The following PCDHGA8 variants were observed in gnomAD, a reference collection of about 807,000 sequenced individuals.
PCDHGA8 encodes the protein protocadherin gamma subfamily A, 8.
In PCDHGA8, 45 loss-of-function variants were observed where a neutral mutation model predicts 59.2. The ratio of observed to expected loss-of-function variants is 0.76; its 90% CI spans 0.60 to 0.98. The LOEUF (loss-of-function observed/expected upper bound fraction) is 0.98. Among genes scored for constraint, PCDHGA8 ranks in the 50% least tolerant of loss-of-function variants. The pLI is 0.00. For missense variants in PCDHGA8, 1,257 were observed against 1,196.2 expected (o/e 1.05, Z -0.75); for synonymous variants, 531 against 519.0 (o/e 1.02, Z -0.32).
chr5:141,505,246 G>GAAGT, intron 2 of PCDHGA8, 147 bp from the exon 3 acceptor site: 3 of 1,436,674 alleles, frequency 2.1e-6, no homozygotes, highest in Non-Finnish European at 2.8e-6. Context: ...AAGGATTGTA[G>GAAGT]AAGTGCCTCC....
At chr5:141,399,719 G>A (rs773556952) in intron 1 of PCDHGA8, 13 of 1,613,168 alleles carry the variant, frequency 8.1e-6, no homozygotes, top group Non-Finnish European at 1.1e-5. Flanking sequence ...CTACAGGCCC[G>A]CGACCAGGGC....
At chr5:141,420,088 C>T in intron 1 of PCDHGA8, 5 of 1,614,002 alleles carry the variant, frequency 3.1e-6, no homozygotes, top group Non-Finnish European at 4.2e-6. Context: ...CCCCCAACTA[C>T]AGTGAGGGAA....
chr5:141,404,707 C>A, intron 1 of PCDHGA8: 1 of 1,614,122 alleles, frequency 6.2e-7, no homozygotes, highest in South Asian at 1.1e-5. Flanking sequence ...CAGAGCCTGG[C>A]TACCTGGTGA....
chr5:141,415,182 C>T (rs2095840318), intron 1 of PCDHGA8: 2 of 1,613,842 alleles, frequency 1.2e-6, no homozygotes, highest in Non-Finnish European at 1.7e-6. Flanking sequence ...TGGCCGTGGC[C>T]GACAGCATCC....
In PCDHGA8 at chr5:141,487,086, TCCCACCACAGAAG is replaced by T. The variant is rs2099639456; in HGVS notation, c.2425-7719_2425-7707del. 6.2e-7 allele frequency: 1 copy of T among 1,613,822 alleles called. No homozygotes were observed. ...ACGGCTGTTCCTATCCCAGCTGACC[TCCCACCACAGAAG>T]CTGGTCATTGTGGTAAAGGATAGTG... On this transcript the variant is annotated intron_variant, in intron 1 of 3. Coordinates refer to ENST00000398604, the MANE Select transcript of PCDHGA8 (RefSeq NM_032088.2). The surrounding 1 kb of genome is among the most constrained non-coding windows in gnomAD (Gnocchi z 5.0).
intron 1 of PCDHGA8, chr5:141,414,700 A>G (rs886960965): frequency 6.2e-7 from 1 of 1,613,994 alleles, no homozygotes. Context: ...GTCCTCATAC[A>G]TATCCATCAA....
Position 141,409,860 on chromosome 5 carries a change from G to A in PCDHGA8, c.2424+14623G>A, listed in dbSNP as rs764823576. On this transcript the variant is annotated intron_variant, in intron 1 of 3. Transcript: ENST00000398604. ...AACGTGAGCCTGCGCGTGTTGGTGG[G>A]AGACCGCAATGACAACGCACCGCGG... is the stretch of plus-strand genomic sequence containing the variant. The A allele has an allele frequency of 1.2e-5, 20 of 1,612,364 alleles. No homozygotes were observed. In the South Asian group the frequency reaches 1.8e-4, roughly 14 times the overall value.
chr5:141,509,144 G>C (rs969990007), intron 3 of PCDHGA8, among the ~76,000 whole-genome samples: 14 of 152,114 alleles, frequency 9.2e-5, no homozygotes, highest in Admixed American at 2.0e-4. Context: ...GGCGCATCCC[G>C]GCTCTCCCCT....
In PCDHGA8 at chr5:141,448,679, G is replaced by A. The variant is rs113043083; in HGVS notation, c.2425-46128G>A. On this transcript the variant is annotated intron_variant, in intron 1 of 3. Coordinates refer to ENST00000398604, the MANE Select transcript of PCDHGA8 (RefSeq NM_032088.2). Reference sequence around the variant, plus strand: ...ATATTGGCCGGGCGCGGTGGCTCACGCCTGTAATCGCAGCACTTTGGGAGG... The same window carrying A: ...ATATTGGCCGGGCGCGGTGGCTCACACCTGTAATCGCAGCACTTTGGGAGG... Among the ~76,000 whole-genome samples the A allele has an allele frequency of 8.3e-3, 1,260 of 152,126 alleles. 17 individuals are homozygous for A. Among genetic ancestry groups the A allele is most frequent in the African/African-American group, 0.029 (1,195 of 41,496 alleles).
At chr5:141,428,044 C>A in intron 1 of PCDHGA8, 1 of 1,608,790 alleles carries the variant, frequency 6.2e-7, no homozygotes, top group Non-Finnish European at 8.5e-7. Context: ...TACCTGGTGA[C>A]CAAGGTGGTG....
chr5:141,400,037 G>A, intron 1 of PCDHGA8: 4 of 1,613,246 alleles, frequency 2.5e-6, no homozygotes, highest in African/African-American at 1.3e-5. Context: ...GCCCGCCAGC[G>A]CCTGCTGGTT....
chr5:141,413,381 G>A, intron 1 of PCDHGA8: 1 of 1,613,946 alleles, frequency 6.2e-7, no homozygotes, highest in Non-Finnish European at 8.5e-7. Flanking sequence ...CGCGGAGTCC[G>A]CATAGTCTCC....
chr5:141,422,070 A>G (rs1202364320), intron 1 of PCDHGA8: 3 of 1,612,480 alleles, frequency 1.9e-6, no homozygotes, highest in Non-Finnish European at 2.5e-6. Context: ...TAATGTATTC[A>G]TTTCGGAACA....
chr5:141,486,730 T>G lies in PCDHGA8; in HGVS notation c.2425-8077T>G, dbSNP rs775081505. On this transcript the variant is annotated intron_variant, in intron 1 of 3. Coordinates refer to ENST00000398604, the MANE Select transcript of PCDHGA8 (RefSeq NM_032088.2). This position sits in a 1 kb window ranked among gnomAD's most constrained non-coding sequence, Gnocchi z 5.0. ...ACCCCCAGACAGGAGCTGTTCATGC[T>G]ACTCGATCCTTTGACTATGAGCAAA... is the stretch of plus-strand genomic sequence containing the variant. 6.2e-7 allele frequency: 1 copy of G among 1,614,238 alleles called. No individual in the cohort carries two copies. The highest frequency in any genetic ancestry group is 8.5e-7 in the Non-Finnish European group (1 of 1,180,042).
At chr5:141,461,011 A>G (rs971172615) in intron 1 of PCDHGA8, among the ~76,000 whole-genome samples, 2 of 151,288 alleles carry the variant, frequency 1.3e-5, no homozygotes, top group Non-Finnish European at 2.9e-5. Context: ...ATATATATAT[A>G]CCACATTTTC....
chr5:141,415,860 A>G (rs2095965840), intron 1 of PCDHGA8: 3 of 1,175,636 alleles, frequency 2.6e-6, no homozygotes, highest in Middle Eastern at 3.1e-4. Context: ...CTTGTAGTTT[A>G]TAGTGTTGTT....
chr5:141,423,777 T>A, intron 1 of PCDHGA8: 1 of 1,159,844 alleles, frequency 8.6e-7, no homozygotes, highest in Non-Finnish European at 1.1e-6. Flanking sequence ...GGCATATATT[T>A]AGTTCATATA....
Position 141,485,932 on chromosome 5 carries a change from G to A in PCDHGA8, c.2425-8875G>A. ...CCAGCTACAGGATTAGTGTGTTGGA[G>A]AGCGCACCAGCGGGCATGGTGCTCA... On this transcript the variant is annotated intron_variant, in intron 1 of 3. Transcript: ENST00000398604. The surrounding 1 kb of genome is among the most constrained non-coding windows in gnomAD (Gnocchi z 5.7). The A allele has an allele frequency of 6.2e-7, 1 of 1,614,184 alleles. No homozygotes were observed. The highest frequency in any genetic ancestry group is 8.5e-7 in the Non-Finnish European group (1 of 1,180,042).
At position 141,489,062 on chromosome 5, in the gene PCDHGA8, C is replaced by G. The variant is rs1466124551; in HGVS notation, c.2425-5745C>G. Reference sequence around the variant, plus strand: ...GCTCCACTCAAATTCAGCTCCCCTCCCCCCTGCCCACCCCCGCCACTCGGT... The same window carrying G: ...GCTCCACTCAAATTCAGCTCCCCTCGCCCCTGCCCACCCCCGCCACTCGGT... On this transcript the variant is annotated intron_variant, in intron 1 of 3. Transcript: ENST00000398604. This position sits in a 1 kb window ranked among gnomAD's most constrained non-coding sequence, Gnocchi z 4.5. 5.3e-6 allele frequency: 2 copies of G among 378,914 alleles called. No homozygotes were observed. Among genetic ancestry groups the G allele is most frequent in the Non-Finnish European group, 9.5e-6 (2 of 209,830 alleles). 23.5% of individuals were successfully genotyped at this position (378,914 alleles called of 1,614,324 possible).
Sources: gnomAD v4.1 joint callset for allele counts (sites outside exome capture counted in the v4.1 genomes callset) on GRCh38, gnomAD v4.1.1 for gene constraint, Gnocchi (gnomAD v3.1) non-coding constraint, MANE v1.5 for transcripts, NCBI Gene and HGNC (gene_info 2026-07-23, HGNC 2026-07-21) for gene names.